Variants in PEX14 observed in about 807,000 individuals in gnomAD.
The protein encoded by PEX14 is peroxisomal biogenesis factor 14, also known as peroxisomal membrane protein PEX14.
PEX14 carries 15 observed loss-of-function variants against 49.5 expected under a neutral mutation model. That is an observed-to-expected ratio of 0.30 (90% CI 0.20 to 0.47). The LOEUF (loss-of-function observed/expected upper bound fraction) is 0.47. PEX14 is among the 20% of genes least tolerant of loss of function. The pLI, the probability that PEX14 is intolerant of heterozygous loss-of-function variation, is 1.00. For missense variants in PEX14, 398 were observed against 494.8 expected (o/e 0.80, Z 1.86); for synonymous variants, 210 against 212.7 (o/e 0.99, Z 0.11).
rs539424351 is a variant in PEX14 at position 10,565,148 on chromosome 1, C to T, written c.169+28851C>T. 4.2e-3 allele frequency among the ~76,000 whole-genome samples: 642 copies of T among 152,208 alleles called. 5 individuals carry two copies. Among genetic ancestry groups the T allele is most frequent in the African/African-American group, 0.015 (616 of 41,526 alleles). ...CGAACTCCTGACCTCGTGATCTGCC[C>T]GCCTCGGCCTCCCAAAGTGCTGGGA... is the stretch of plus-strand genomic sequence containing the variant. On this transcript the variant is annotated intron_variant, in intron 3 of 8. Coordinates refer to ENST00000356607, the MANE Select transcript of PEX14 (RefSeq NM_004565.3).
chr1:10,599,850 G>A (rs1326595359), intron 4 of PEX14, among the ~76,000 whole-genome samples: 1 of 152,064 alleles, frequency 6.6e-6, no homozygotes, highest in Non-Finnish European at 1.5e-5. Context: ...TACTTTGTAC[G>A]TTTATGTAGT....
rs774844943 is a variant in PEX14 at position 10,621,189 on chromosome 1, T to TA, written c.385-1813dup. Among the ~76,000 whole-genome samples the TA allele has an allele frequency of 6.1e-3, 687 of 113,316 alleles. 3 individuals carry two copies. The highest frequency in any genetic ancestry group is 0.015 in the African/African-American group (452 of 30,134). The allele number at this position is 113,316 out of a possible 152,430, so 74.3% of individuals were successfully genotyped here. On this transcript the variant is annotated intron_variant, in intron 5 of 8. Coordinates refer to ENST00000356607, the MANE Select transcript of PEX14 (RefSeq NM_004565.3). Reference sequence around the variant, plus strand: ...AAGCATCTGCTCAGTTTCTCGAAATTAAAAAAAAAAAAAAAAAGAAATGGT... The same window carrying TA: ...AAGCATCTGCTCAGTTTCTCGAAATTAAAAAAAAAAAAAAAAAAGAAATGGT...
chr1:10,592,559 T>C (rs894358884), intron 3 of PEX14, among the ~76,000 whole-genome samples: 20 of 152,210 alleles, frequency 1.3e-4, no homozygotes, highest in African/African-American at 4.3e-4. Context: ...CCAGTTATAC[T>C]ACTCCCCAGA....
At chr1:10,606,490 A>G (rs1641130387) in intron 4 of PEX14, among the ~76,000 whole-genome samples, 1 of 152,022 alleles carries the variant, frequency 6.6e-6, no homozygotes, top group South Asian at 2.1e-4. Flanking sequence ...TCCATATCCC[A>G]TAGGAGGTTT....
At chr1:10,624,971 C>T (rs1286781594) in intron 7 of PEX14, among the ~76,000 whole-genome samples, 1 of 152,192 alleles carries the variant, frequency 6.6e-6, no homozygotes, top group Non-Finnish European at 1.5e-5. Context: ...AGGCAGTGTC[C>T]TTGCCTCACT....
intron 1 of PEX14, among the ~76,000 whole-genome samples, chr1:10,480,793 A>G (rs1641269038): frequency 6.6e-6 from 1 of 151,812 alleles, no homozygotes; most frequent in Non-Finnish European, 1.5e-5. Context: ...ACCAAGATGC[A>G]CTGTTCACAT....
rs148389358 is a variant in PEX14 at position 10,514,631 on chromosome 1, A to G, written c.84+19310A>G. ...GGGTGTCACTGTCGCTCTACTGGCT[A>G]TAGGAGAAAGAGGGGTTATCTGCTG... On this transcript the variant is annotated intron_variant, in intron 2 of 8. Coordinates refer to ENST00000356607, the MANE Select transcript of PEX14 (RefSeq NM_004565.3). This position sits in a 1 kb window ranked among gnomAD's most constrained non-coding sequence, Gnocchi z 4.4. 2.4e-3 allele frequency among the ~76,000 whole-genome samples: 365 copies of G among 152,338 alleles called. No homozygotes were observed. The highest frequency in any genetic ancestry group is 8.2e-3 in the African/African-American group (340 of 41,588).
At chr1:10,483,761 C>CA (rs1641322712) in intron 1 of PEX14, among the ~76,000 whole-genome samples, 1 of 27,026 alleles carries the variant, frequency 3.7e-5, no homozygotes. Flanking sequence ...ACCACTACCA[C>CA]CCTAAACCTG....
At chr1:10,608,240 T>C (rs1641178110) in intron 4 of PEX14, among the ~76,000 whole-genome samples, 1 of 152,256 alleles carries the variant, frequency 6.6e-6, no homozygotes, top group Non-Finnish European at 1.5e-5. Context: ...TGATCTATTC[T>C]TAGTTAATTT....
At chr1:10,511,221 G>A (rs983256929) in intron 2 of PEX14, among the ~76,000 whole-genome samples, 3 of 152,190 alleles carry the variant, frequency 2.0e-5, no homozygotes, top group African/African-American at 4.8e-5. Context: ...AAATGCCAAA[G>A]TGAGGTTTTT....
chr1:10,585,736 A>G (rs998406775), intron 3 of PEX14, among the ~76,000 whole-genome samples: 7 of 152,202 alleles, frequency 4.6e-5, no homozygotes, highest in Non-Finnish European at 1.0e-4. Flanking sequence ...CCTGGCCAAC[A>G]TGGCGAAACC....
chr1:10,595,541 A>C (rs1273133173), intron 3 of PEX14, among the ~76,000 whole-genome samples: 1 of 152,238 alleles, frequency 6.6e-6, no homozygotes, highest in Non-Finnish European at 1.5e-5. Flanking sequence ...GCTTAGTGCC[A>C]GTGGTGTCAG....
At chr1:10,525,300 C>T (rs922662061) in intron 2 of PEX14, among the ~76,000 whole-genome samples, 1 of 151,600 alleles carries the variant, frequency 6.6e-6, no homozygotes, top group African/African-American at 2.4e-5. Context: ...GCCCTTATGT[C>T]ATTACTTCTG....
At chr1:10,508,513 T>A (rs906014750) in intron 2 of PEX14, among the ~76,000 whole-genome samples, 6 of 152,060 alleles carry the variant, frequency 3.9e-5, no homozygotes, top group Non-Finnish European at 8.8e-5. Flanking sequence ...GATTTTTAGA[T>A]TGGGGGCCCA....
At chr1:10,487,483 T>TC (rs1641391112) in intron 1 of PEX14, among the ~76,000 whole-genome samples, 1 of 130,026 alleles carries the variant, frequency 7.7e-6, no homozygotes, top group South Asian at 2.6e-4. Flanking sequence ...CTTTCTTTCT[T>TC]TTTTTTTTTT....
At chr1:10,572,500 A>G (rs150681150) in intron 3 of PEX14, among the ~76,000 whole-genome samples, 449 of 152,332 alleles carry the variant, frequency 2.9e-3, no homozygotes, top group South Asian at 4.4e-3. Flanking sequence ...AGATATTCAT[A>G]ATACAGTCAT....
chr1:10,532,887 A>G (rs1244619268), intron 2 of PEX14, among the ~76,000 whole-genome samples: 1 of 152,192 alleles, frequency 6.6e-6, no homozygotes, highest in African/African-American at 2.4e-5. Flanking sequence ...GTGCCCAACA[A>G]TAGGTGGGTG....
At position 10,563,507 on chromosome 1, in the gene PEX14, G is replaced by C. The variant is rs1639712522; in HGVS notation, c.169+27210G>C. Among the ~76,000 whole-genome samples, 3 of 152,110 alleles carry C rather than the reference G, an allele frequency of 2.0e-5. No individual in the cohort carries two copies. In the South Asian group the frequency reaches 6.2e-4, roughly 32 times the overall value. On this transcript the variant is annotated intron_variant, in intron 3 of 8. Transcript: ENST00000356607. ...GTGCTGGGCATAGTGGCACATGCCTGTCAGCTACTCCGGAGGCGGAGGCCG... is the reference window on the plus strand; with the variant it reads ...GTGCTGGGCATAGTGGCACATGCCTCTCAGCTACTCCGGAGGCGGAGGCCG...
intron 3 of PEX14, among the ~76,000 whole-genome samples, chr1:10,582,996 CA>C (rs771461211): frequency 2.6e-5 from 4 of 151,902 alleles, no homozygotes; most frequent in Non-Finnish European, 5.9e-5. Context: ...CTCGGCCTCC[CA>C]AAGTGCTGGG....
Sources: gnomAD v4.1 joint callset for allele counts (sites outside exome capture counted in the v4.1 genomes callset) on GRCh38, gnomAD v4.1.1 for gene constraint, Gnocchi (gnomAD v3.1) non-coding constraint, MANE v1.5 for transcripts, NCBI Gene and HGNC (gene_info 2026-07-23, HGNC 2026-07-21) for gene names.